ARMC2: variants seen among roughly 807,000 people sequenced by gnomAD.
The protein encoded by ARMC2 is armadillo repeat-containing protein 2.
In ARMC2, 67 loss-of-function variants were observed where a neutral mutation model predicts 90.3. That is an observed-to-expected ratio of 0.74 (90% confidence interval 0.61 to 0.91). The LOEUF (loss-of-function observed/expected upper bound fraction) is 0.91, where lower values mean the gene tolerates loss of function less well. Ranked by LOEUF, ARMC2 falls within the 40% of genes least tolerant of loss-of-function variation. The probability of loss-of-function intolerance (pLI) is 0.00; values close to 1 mark genes in which losing one functional copy is unlikely to be tolerated. For synonymous variants in ARMC2, 393 were observed against 393.0 expected (o/e 1.00, Z 0.00); for missense variants, 920 against 1,030.9 (o/e 0.89, Z 1.47).
chr6:109,045,030 A>C, the ARMC2 span, among the ~76,000 whole-genome samples: 1 of 151,968 alleles, frequency 6.6e-6, no homozygotes, highest in Admixed American at 6.6e-5. Context: ...TTTCAAAAAA[A>C]AAAAAGCTGA....
chr6:108,990,882 A>T, the ARMC2 span: 1 of 1,515,496 alleles, frequency 6.6e-7, no homozygotes. Flanking sequence ...GGTCAAGTAC[A>T]GTTCTATATC....
downstream of ARMC2, among the ~76,000 whole-genome samples, chr6:108,977,868 G>A (rs9486983): frequency 0.024 from 3,578 of 151,956 alleles, 159 homozygotes; most frequent in African/African-American, 0.083. Flanking sequence ...TTTTTATTGC[G>A]TCTATTTGAT....
At chr6:108,849,435 C>G (rs1328080511) in intron 1 of ARMC2, among the ~76,000 whole-genome samples, 1 of 152,114 alleles carries the variant, frequency 6.6e-6, no homozygotes, top group Non-Finnish European at 1.5e-5. Flanking sequence ...ATGTAAATGA[C>G]GAGTTGATGG....
At chr6:108,854,166 T>G in intron 1 of ARMC2, 59 bp from the exon 2 acceptor site, 1 of 874,108 alleles carries the variant, frequency 1.1e-6, no homozygotes, top group Non-Finnish European at 1.8e-6. Context: ...GGCTTAAGCA[T>G]TCGTTTTTAT....
chr6:108,956,362 T>C (rs1226555252), intron 13 of ARMC2, among the ~76,000 whole-genome samples: 1 of 152,124 alleles, frequency 6.6e-6, no homozygotes, highest in Non-Finnish European at 1.5e-5. Context: ...AGTGAATAAC[T>C]TGCTTTTGAC....
At chr6:108,924,905 T>C (rs891449105) in intron 10 of ARMC2, among the ~76,000 whole-genome samples, 1 of 151,314 alleles carries the variant, frequency 6.6e-6, no homozygotes, top group East Asian at 2.0e-4. Context: ...ACGCTGGTGA[T>C]GGAGAGAAGG....
At chr6:109,009,449 G>T in the ARMC2 span, 1 of 1,340,120 alleles carries the variant, frequency 7.5e-7, no homozygotes, top group Non-Finnish European at 9.6e-7. Flanking sequence ...TCGCGGCGGC[G>T]GCCAAGCGCA....
At chr6:108,873,979 G>A (rs1776687483) in intron 4 of ARMC2, among the ~76,000 whole-genome samples, 1 of 152,244 alleles carries the variant, frequency 6.6e-6, no homozygotes, top group African/African-American at 2.4e-5. Context: ...ATTACAGGGT[G>A]TGGTATATAA....
the ARMC2 span, chr6:109,009,583 A>T: frequency 4.7e-6 from 5 of 1,070,872 alleles, no homozygotes; most frequent in South Asian, 1.8e-4. Context: ...CCGACAAACA[A>T]GCCGCGCGGC....
intron 10 of ARMC2, among the ~76,000 whole-genome samples, chr6:108,923,690 T>C (rs1424338093): frequency 6.8e-6 from 1 of 147,866 alleles, no homozygotes; most frequent in Non-Finnish European, 1.5e-5. Context: ...CCCACCATCA[T>C]CCCACAGTGA....
intron 4 of ARMC2, among the ~76,000 whole-genome samples, chr6:108,875,606 T>G (rs1379806325): frequency 6.6e-6 from 1 of 152,188 alleles, no homozygotes; most frequent in Non-Finnish European, 1.5e-5. Context: ...ACTTTTATAC[T>G]TTGCTTTTTT....
chr6:108,908,134 G>A (rs1222049030), intron 8 of ARMC2, among the ~76,000 whole-genome samples: 1 of 118,360 alleles, frequency 8.4e-6, no homozygotes, highest in Non-Finnish European at 2.0e-5. Context: ...TGAGTCGGTA[G>A]TGCTGGGGGG....
At chr6:108,860,116 TTTA>T (rs2128420189) in intron 3 of ARMC2, among the ~76,000 whole-genome samples, 1 of 152,204 alleles carries the variant, frequency 6.6e-6, no homozygotes, top group South Asian at 2.1e-4. Context: ...TTCTGATCCC[TTTA>T]TTGAGTTTTT....
the ARMC2 span, among the ~76,000 whole-genome samples, chr6:109,039,477 C>A: frequency 6.6e-6 from 1 of 152,160 alleles, no homozygotes; most frequent in Non-Finnish European, 1.5e-5. Flanking sequence ...CAATTTAAGA[C>A]AACTTGGAGG....
chr6:109,042,341 AAAT>A, the ARMC2 span, among the ~76,000 whole-genome samples: 19 of 152,102 alleles, frequency 1.2e-4, no homozygotes, highest in African/African-American at 4.6e-4. Flanking sequence ...AGACAGAAGA[AAAT>A]AATAAAGAAC....
chr6:108,916,817 C>T (rs1275921188), intron 10 of ARMC2, among the ~76,000 whole-genome samples: 1 of 152,142 alleles, frequency 6.6e-6, no homozygotes, highest in African/African-American at 2.4e-5. Context: ...GGGGTCACCT[C>T]CATCTGAAAG....
intron 4 of ARMC2, among the ~76,000 whole-genome samples, chr6:108,872,000 T>A (rs1237866710): frequency 6.6e-6 from 1 of 152,236 alleles, no homozygotes; most frequent in Non-Finnish European, 1.5e-5. Flanking sequence ...TAAAAAATAT[T>A]TGAGCTCTCC....
At chr6:108,897,168 G>T (rs1408632601) in intron 6 of ARMC2, among the ~76,000 whole-genome samples, 1 of 152,196 alleles carries the variant, frequency 6.6e-6, no homozygotes, top group African/African-American at 2.4e-5. Context: ...AGCCTGATGG[G>T]AAGTCAGTTA....
At chr6:109,046,768 G>A in the ARMC2 span, among the ~76,000 whole-genome samples, 19 of 137,850 alleles carry the variant, frequency 1.4e-4, no homozygotes, top group East Asian at 1.9e-3. Context: ...GCCTCTGCCC[G>A]GCCGAGACCC....
Sources: allele counts gnomAD v4.1 joint callset (sites outside exome capture counted in the v4.1 genomes callset), GRCh38; gene constraint gnomAD v4.1.1; transcripts MANE v1.5; gene names NCBI Gene and HGNC (gene_info 2026-07-23, HGNC 2026-07-21).